Variants in MS4A5 observed in about 807,000 individuals in gnomAD.
MS4A5 encodes the protein membrane-spanning 4-domains subfamily A member 5.
In MS4A5, 15 loss-of-function variants were observed where a neutral mutation model predicts 18.2. That is an observed-to-expected ratio of 0.83 (90% CI 0.55 to 1.27). The LOEUF is 1.27. Among genes scored for constraint, MS4A5 ranks in the 50% most tolerant of loss-of-function variants. MS4A5 has a pLI of 0.00. For missense variants in MS4A5, 232 were observed against 225.7 expected (o/e 1.03, Z -0.18); for synonymous variants, 89 against 78.7 (o/e 1.13, Z -0.69).
chr11:60,431,840 A>G (rs1373966313), intron 2 of MS4A5, among the ~76,000 whole-genome samples: 1 of 152,194 alleles, frequency 6.6e-6, no homozygotes, highest in African/African-American at 2.4e-5. Context: ...ACAGGGAGTG[A>G]GGATGGAGAG....
At chr11:60,443,955 A>G (rs1040777491) in intron 4 of MS4A5, among the ~76,000 whole-genome samples, 3 of 152,176 alleles carry the variant, frequency 2.0e-5, no homozygotes, top group Non-Finnish European at 4.4e-5. Flanking sequence ...TTGGGCTTAT[A>G]TCTAATAAAA....
chr11:60,432,421 C>G lies in MS4A5; in HGVS notation c.293C>G (p.Ser98Cys). The change falls in exon 3 of 5, where the codon TCT becomes TGT. Residue 98 changes from serine to cysteine, a missense_variant. Coordinates refer to ENST00000300190, the MANE Select transcript of MS4A5 (RefSeq NM_023945.3). ...PFWGSVLFIN[S>C]GAFLIAVKRK... ...TATTCCTCTTAACAGTTCATTAATT[C>G]TGGAGCCTTCCTAATTGCAGTGAAA... The G allele has an allele frequency of 6.3e-7, 1 of 1,590,078 alleles. No individual in the cohort carries two copies. The highest frequency in any genetic ancestry group is 1.3e-5 in the African/African-American group (1 of 74,422).
At chr11:60,430,010 G>A (rs1487118270) in intron 1 of MS4A5, among the ~76,000 whole-genome samples, 183 bp downstream of exon 1, 1 of 152,084 alleles carries the variant, frequency 6.6e-6, no homozygotes, top group Non-Finnish European at 1.5e-5. Flanking sequence ...TGTGGGTCTG[G>A]ACTTGACAAA....
At position 60,435,546 on chromosome 11, in the gene MS4A5, G is replaced by C. The variant is rs1045908353; in HGVS notation, c.492+1629G>C. On this transcript the variant is annotated intron_variant, in intron 4 of 4. Transcript: ENST00000300190. ...CGGTTCATCTCACTAGGGAGTGCCA[G>C]ACAGTGGGCGCAGGTCAGTGGGTGC... The C allele has an allele frequency of 2.2e-5, 8 of 369,168 alleles. 1 individual carries two copies. The highest frequency in any genetic ancestry group is 3.7e-5 in the Non-Finnish European group (7 of 191,748). 22.9% of individuals were successfully genotyped at this position (369,168 alleles called of 1,614,324 possible).
intron 4 of MS4A5, among the ~76,000 whole-genome samples, chr11:60,437,917 G>A (rs1219866867): frequency 6.6e-6 from 1 of 151,910 alleles, no homozygotes. Flanking sequence ...TCTGCACCAA[G>A]CAGACCTAAT....
At chr11:60,444,842 C>T (rs2086130978) in intron 4 of MS4A5, among the ~76,000 whole-genome samples, 1 of 152,148 alleles carries the variant, frequency 6.6e-6, no homozygotes, top group Non-Finnish European at 1.5e-5. Context: ...GGTTCAACCA[C>T]CTTGGAAAAC....
At chr11:60,438,641 AAC>A in intron 4 of MS4A5, among the ~76,000 whole-genome samples, 1 of 152,224 alleles carries the variant, frequency 6.6e-6, no homozygotes, top group East Asian at 1.9e-4. Flanking sequence ...GAATACTACA[AAC>A]ACCTCTACGC....
chr11:60,434,016 G>A (rs1463785463), intron 4 of MS4A5, 99 bp downstream of exon 4: 13 of 1,055,624 alleles, frequency 1.2e-5, no homozygotes, highest in Non-Finnish European at 1.6e-5. Context: ...GTGGACACAT[G>A]TATTTTCTTT....
chr11:60,436,826 G>C (rs1354372902), intron 4 of MS4A5, among the ~76,000 whole-genome samples: 1 of 135,748 alleles, frequency 7.4e-6, no homozygotes, highest in Non-Finnish European at 1.6e-5. Flanking sequence ...GGGGAGAATG[G>C]AACCAAGTTG....
intron 1 of MS4A5, among the ~76,000 whole-genome samples, chr11:60,430,258 G>GA (rs56029330): frequency 8.6e-4 from 128 of 148,532 alleles, no homozygotes; most frequent in African/African-American, 2.0e-3. Flanking sequence ...GAGAGGGAGA[G>GA]AAAAAAAAAA....
intron 4 of MS4A5, among the ~76,000 whole-genome samples, chr11:60,440,397 A>G (rs2086104171): frequency 7.9e-6 from 1 of 127,174 alleles, no homozygotes; most frequent in African/African-American, 2.8e-5. Context: ...CACCAAAAGC[A>G]ATGGCAACAA....
At chr11:60,434,893 A>G (rs2086070272) in intron 4 of MS4A5, among the ~76,000 whole-genome samples, 2 of 152,242 alleles carry the variant, frequency 1.3e-5, no homozygotes, top group African/African-American at 4.8e-5. Context: ...GACTTAAGAG[A>G]GATTTTCTCC....
chr11:60,438,955 G>A (rs2086095900), intron 4 of MS4A5, among the ~76,000 whole-genome samples: 1 of 83,608 alleles, frequency 1.2e-5, no homozygotes, highest in African/African-American at 5.0e-5. Context: ...ACCAAAGCCG[G>A]GCAGAGACAC....
rs1204490456 is a variant in MS4A5, at chr11:60,447,751, T to C, written c.595T>C (p.Cys199Arg). The C allele has an allele frequency of 1.3e-6, 2 of 1,559,774 alleles. No homozygotes were observed. The highest frequency in any genetic ancestry group is 4.5e-5 in the East Asian group (2 of 44,434). Residue 199 changes from cysteine (C) to arginine (R), a missense_variant, in exon 5 of 5, where the codon TGT becomes CGT. Cys to Arg is a radical substitution (Grantham distance 180, BLOSUM62 -3). Coordinates refer to ENST00000300190, the MANE Select transcript of MS4A5 (RefSeq NM_023945.3). ...CTCAGAGGATTGTGATTGTGAACAA[T>C]GTTGTTGACTAGCACTGTGAGAATA... is the stretch of plus-strand genomic sequence containing the variant. ...CHSEDCDCEQ[C>R]C
intron 4 of MS4A5, chr11:60,435,454 C>A: frequency 2.3e-6 from 1 of 427,170 alleles, no homozygotes; most frequent in Non-Finnish European, 4.6e-6. Flanking sequence ...GGAACAGCTC[C>A]GGTCTACAGC....
chr11:60,447,253 T>C (rs772937937), intron 4 of MS4A5, among the ~76,000 whole-genome samples: 8 of 152,074 alleles, frequency 5.3e-5, no homozygotes, highest in Middle Eastern at 3.4e-3. Flanking sequence ...TCCTATACTA[T>C]GCTATGCTAT....
At chr11:60,432,706 A>C (rs2086056914) in intron 3 of MS4A5, among the ~76,000 whole-genome samples, 1 of 150,852 alleles carries the variant, frequency 6.6e-6, no homozygotes, top group Admixed American at 6.6e-5. Context: ...AATTGCTTGT[A>C]CCTGGGAGGT....
intron 3 of MS4A5, among the ~76,000 whole-genome samples, chr11:60,432,679 G>A (rs1159174128): frequency 6.6e-6 from 1 of 151,642 alleles, no homozygotes; most frequent in Non-Finnish European, 1.5e-5. Context: ...CAGCTACTCA[G>A]GAGGCTGAGG....
chr11:60,441,456 T>TAAA (rs201729443), intron 4 of MS4A5, among the ~76,000 whole-genome samples: 3 of 105,858 alleles, frequency 2.8e-5, no homozygotes, highest in South Asian at 3.1e-4. Context: ...AAAAGGCCAT[T>TAAA]AAAAAAAAAA....
Sources: allele counts gnomAD v4.1 joint callset (sites outside exome capture counted in the v4.1 genomes callset), GRCh38; gene constraint gnomAD v4.1.1; transcripts MANE v1.5; gene names NCBI Gene and HGNC (gene_info 2026-07-23, HGNC 2026-07-21).